The following NRG3 variants were observed in gnomAD, a reference collection of about 807,000 sequenced individuals.
NRG3 encodes neuregulin 3, also known as pro-neuregulin-3, membrane-bound isoform.
NRG3 carries 31 observed loss-of-function variants against 66.9 expected under a neutral mutation model. The ratio of observed to expected loss-of-function variants is 0.46; its 90% CI spans 0.35 to 0.63. The LOEUF is 0.63. Among genes scored for constraint, NRG3 ranks in the 20% least tolerant of loss-of-function variants. The pLI is 0.00. For synonymous variants in NRG3, 393 were observed against 359.4 expected (o/e 1.09, Z -1.06); for missense variants, 910 against 878.9 (o/e 1.04, Z -0.45).
At chr10:82,333,523 G>A (rs372870414) in intron 1 of NRG3, among the ~76,000 whole-genome samples, 17 of 152,250 alleles carry the variant, frequency 1.1e-4, no homozygotes, top group East Asian at 7.7e-4. Context: ...TCAAAACTCT[G>A]TATTCATCAT....
At chr10:82,160,405 A>T (rs1381848075) in intron 1 of NRG3, among the ~76,000 whole-genome samples, 1 of 152,020 alleles carries the variant, frequency 6.6e-6, no homozygotes, top group Non-Finnish European at 1.5e-5. Flanking sequence ...GGGAAAAGTC[A>T]TAGGATACTG....
intron 3 of NRG3, among the ~76,000 whole-genome samples, chr10:82,744,740 C>G (rs903723197): frequency 9.9e-5 from 15 of 152,210 alleles, no homozygotes; most frequent in African/African-American, 3.4e-4. Context: ...TGACATTGGA[C>G]AAGTTGCATA....
chr10:82,623,751 A>G (rs758253352), intron 2 of NRG3, among the ~76,000 whole-genome samples: 4 of 152,214 alleles, frequency 2.6e-5, no homozygotes, highest in Non-Finnish European at 5.9e-5. Flanking sequence ...TTTTAAATAT[A>G]TAGTCCCTAC....
chr10:82,627,602 C>T (rs1003898459), intron 2 of NRG3, among the ~76,000 whole-genome samples: 2 of 152,084 alleles, frequency 1.3e-5, no homozygotes, highest in African/African-American at 4.8e-5. Flanking sequence ...TGCAAGACTC[C>T]TTTTAATTAT....
At chr10:82,163,922 ATTT>A (rs555595801) in intron 1 of NRG3, among the ~76,000 whole-genome samples, 2 of 148,404 alleles carry the variant, frequency 1.3e-5, no homozygotes, top group African/African-American at 5.0e-5. Flanking sequence ...CTCTCTTAAA[ATTT>A]TTTTTTTTTT....
At chr10:82,369,621 C>A (rs1418609265) in intron 2 of NRG3, among the ~76,000 whole-genome samples, 1 of 138,456 alleles carries the variant, frequency 7.2e-6, no homozygotes, top group Non-Finnish European at 1.5e-5. Flanking sequence ...ACTTTTCAGG[C>A]ATAATGGGAA....
intron 2 of NRG3, among the ~76,000 whole-genome samples, chr10:82,500,444 T>C (rs1844064361): frequency 6.6e-6 from 1 of 152,190 alleles, no homozygotes; most frequent in South Asian, 2.1e-4. Context: ...CGTCCATTTC[T>C]CTCCATGTTA....
intron 1 of NRG3, among the ~76,000 whole-genome samples, chr10:82,347,825 C>T (rs1279870886): frequency 5.3e-5 from 8 of 152,018 alleles, no homozygotes; most frequent in African/African-American, 1.9e-4. Flanking sequence ...TATGTAATGG[C>T]CTTCTTTGTC....
intron 1 of NRG3, among the ~76,000 whole-genome samples, chr10:82,297,732 ATAT>A (rs1429221857): frequency 6.6e-6 from 1 of 152,104 alleles, no homozygotes; most frequent in Non-Finnish European, 1.5e-5. Context: ...TACATTTTAT[ATAT>A]TAAGTATACA....
chr10:82,637,794 G>A (rs2050297315), intron 2 of NRG3, among the ~76,000 whole-genome samples: 1 of 152,156 alleles, frequency 6.6e-6, no homozygotes, highest in Admixed American at 6.6e-5. Flanking sequence ...GGAACAACTG[G>A]TGAAATTTGA....
intron 2 of NRG3, among the ~76,000 whole-genome samples, chr10:82,726,127 T>C (rs1266160822): frequency 1.3e-5 from 2 of 152,152 alleles, no homozygotes; most frequent in African/African-American, 4.8e-5. Context: ...ATGCTGCACC[T>C]GAATCTTGGA....
intron 1 of NRG3, among the ~76,000 whole-genome samples, chr10:82,174,633 T>C (rs2072887394): frequency 6.6e-6 from 1 of 152,124 alleles, no homozygotes; most frequent in East Asian, 1.9e-4. Flanking sequence ...TACTTAATTT[T>C]TCTTTCAGTC....
intron 2 of NRG3, among the ~76,000 whole-genome samples, chr10:82,393,449 G>C (rs2086523186): frequency 6.6e-5 from 10 of 152,122 alleles, no homozygotes; most frequent in Admixed American, 6.6e-4. Flanking sequence ...GACATGGACT[G>C]ACTGACAGAA....
Position 82,869,621 on chromosome 10 carries a change from ATTTTG to A in NRG3, c.1054+4185_1054+4189del, listed in dbSNP as rs1171269211. Reference sequence around the variant, plus strand: ...ATTTTATTTTATTTTATTTTATTTTATTTTGAGACAGAGTTTCGCTCTGTCACCCA... The same window carrying A: ...ATTTTATTTTATTTTATTTTATTTTAAGACAGAGTTTCGCTCTGTCACCCA... On this transcript the variant is annotated intron_variant, in intron 4 of 8. Coordinates refer to ENST00000372141, the MANE Select transcript of NRG3 (RefSeq NM_001010848.4). 6.4e-3 allele frequency among the ~76,000 whole-genome samples: 842 copies of A among 130,972 alleles called. 3 individuals are homozygous for A. The highest frequency in any genetic ancestry group is 0.022 in the African/African-American group (783 of 36,060). The allele number at this position is 130,972 out of a possible 152,430, so 85.9% of individuals were successfully genotyped here. A position where few individuals can be genotyped will look rare whatever the true frequency, so the allele number is the denominator to read the frequency against.
At chr10:82,454,429 T>A (rs1474146301) in intron 2 of NRG3, among the ~76,000 whole-genome samples, 1 of 152,050 alleles carries the variant, frequency 6.6e-6, no homozygotes, top group African/African-American at 2.4e-5. Context: ...GAATATATGC[T>A]ACACTCGTGT....
intron 1 of NRG3, among the ~76,000 whole-genome samples, chr10:82,132,542 T>TATATCATATATATATATC (rs1388724448): frequency 4.6e-5 from 6 of 130,922 alleles, no homozygotes; most frequent in East Asian, 4.3e-4. Context: ...ATATGATATA[T>TATATCATATATATATATC]ATATATCTTT....
chr10:82,444,260 G>A (rs930883181), intron 2 of NRG3, among the ~76,000 whole-genome samples: 17 of 152,024 alleles, frequency 1.1e-4, no homozygotes, highest in Non-Finnish European at 1.6e-4. Context: ...GTGCCACCAC[G>A]TCCAGCTAAT....
At chr10:82,010,640 A>G (rs1349346905) in intron 1 of NRG3, among the ~76,000 whole-genome samples, 2 of 152,218 alleles carry the variant, frequency 1.3e-5, no homozygotes, top group African/African-American at 2.4e-5. Context: ...TTTATCAACA[A>G]AAACGCTGCT....
At chr10:82,218,624 C>G (rs544507474) in intron 1 of NRG3, among the ~76,000 whole-genome samples, 17 of 152,222 alleles carry the variant, frequency 1.1e-4, no homozygotes, top group Admixed American at 3.9e-4. Context: ...TTTCTCACCC[C>G]CTTTCTCTGC....
Sources: gnomAD v4.1 joint callset for allele counts (sites outside exome capture counted in the v4.1 genomes callset) on GRCh38, gnomAD v4.1.1 for gene constraint, MANE v1.5 for transcripts, NCBI Gene and HGNC (gene_info 2026-07-23, HGNC 2026-07-21) for gene names.